The following MS4A4E variants were observed in gnomAD, a reference collection of about 807,000 sequenced individuals.
MS4A4E encodes the protein membrane spanning 4-domains A4E.
Under a neutral mutation model 13.3 loss-of-function variants are expected in MS4A4E, and 23 were observed. The observed-to-expected ratio is 1.73, with a 90% confidence interval of 1.25 to 2.45. The LOEUF is 2.45. Among genes scored for constraint, MS4A4E ranks in the 30% most tolerant of loss-of-function variants. The pLI, the probability that MS4A4E is intolerant of heterozygous loss-of-function variation, is 0.00. For missense variants in MS4A4E, 144 were observed against 131.2 expected (o/e 1.10, Z -0.48); for synonymous variants, 36 against 45.6 (o/e 0.79, Z 0.85).
chr11:60,236,777 C>T (rs113780230), intron 1 of MS4A4E, among the ~76,000 whole-genome samples: 5 of 151,630 alleles, frequency 3.3e-5, no homozygotes, highest in African/African-American at 1.2e-4. Flanking sequence ...TGCTCTGTCA[C>T]CCAGGCTGGA....
chr11:60,222,270 A>T (rs2084279033), intron 3 of MS4A4E, among the ~76,000 whole-genome samples: 1 of 152,194 alleles, frequency 6.6e-6, no homozygotes, highest in Non-Finnish European at 1.5e-5. Context: ...GAACTCATGG[A>T]ATGCCTTAAC....
intron 3 of MS4A4E, chr11:60,225,228 CTT>C (rs1056352788): frequency 1.3e-6 from 1 of 786,158 alleles, no homozygotes; most frequent in African/African-American, 1.7e-5. Flanking sequence ...TGTTGTCACT[CTT>C]TTTTTCACAT....
At chr11:60,232,322 C>CACACACACACACACACACACACACACA (rs58202966) in intron 1 of MS4A4E, among the ~76,000 whole-genome samples, 1 of 112,302 alleles carries the variant, frequency 8.9e-6, no homozygotes, top group Non-Finnish European at 2.0e-5. Flanking sequence ...CACACACACA[C>CACACACACACACACACACACACACACA]CAAAAATGAA....
chr11:60,241,128 A>G (rs1481888161), intron 1 of MS4A4E, among the ~76,000 whole-genome samples: 6 of 152,076 alleles, frequency 3.9e-5, no homozygotes, highest in Admixed American at 3.9e-4. Context: ...GGTTCACGCC[A>G]TTCTCCTGCC....
At chr11:60,233,564 C>T (rs1177971795) in intron 1 of MS4A4E, among the ~76,000 whole-genome samples, 1 of 152,214 alleles carries the variant, frequency 6.6e-6, no homozygotes, top group African/African-American at 2.4e-5. Context: ...GACCTCAGCT[C>T]GCACTGCCAC....
intron 2 of MS4A4E, among the ~76,000 whole-genome samples, chr11:60,229,243 T>G (rs2084378616): frequency 6.6e-6 from 1 of 152,190 alleles, no homozygotes; most frequent in Non-Finnish European, 1.5e-5. Context: ...ATTTAAAAAT[T>G]GAACCTAGTA....
intron 1 of MS4A4E, among the ~76,000 whole-genome samples, chr11:60,241,553 G>A (rs2084551965): frequency 6.6e-6 from 1 of 152,068 alleles, no homozygotes; most frequent in South Asian, 2.1e-4. Context: ...CATAGGTCAG[G>A]TTCTGGTCAT....
chr11:60,239,893 C>T (rs759078784), intron 1 of MS4A4E, among the ~76,000 whole-genome samples: 2 of 152,204 alleles, frequency 1.3e-5, no homozygotes, highest in Non-Finnish European at 2.9e-5. Flanking sequence ...TCAAATTTTG[C>T]TGAACTTGAG....
Position 60,200,742 on chromosome 11 carries a change from T to G in MS4A4E, c.*801A>C, listed in dbSNP as rs1590698487. ...GATTTCTCAATCTTTTCCCCACCTTTCCCCCCTTTCTATTCCACAAAACCG... is the reference window on the plus strand; with the variant it reads ...GATTTCTCAATCTTTTCCCCACCTTGCCCCCCTTTCTATTCCACAAAACCG... On this transcript the variant is annotated 3_prime_UTR_variant, in exon 9 of 9. Coordinates refer to ENST00000651255, the MANE Select transcript of MS4A4E (RefSeq NM_001393391.1). Among the ~76,000 whole-genome samples the G allele has an allele frequency of 2.0e-5, 3 of 151,928 alleles. No homozygotes were observed. Among genetic ancestry groups the G allele is most frequent in the African/African-American group, 7.2e-5 (3 of 41,388 alleles).
intron 3 of MS4A4E, among the ~76,000 whole-genome samples, chr11:60,216,150 T>C (rs1299239959): frequency 1.3e-5 from 2 of 152,084 alleles, no homozygotes; most frequent in African/African-American, 4.8e-5. Context: ...TAATGGAAGG[T>C]AGCAGCAAAA....
chr11:60,226,299 T>C (rs1481860994), intron 3 of MS4A4E, among the ~76,000 whole-genome samples: 2 of 151,670 alleles, frequency 1.3e-5, no homozygotes, highest in African/African-American at 4.8e-5. Flanking sequence ...CTAGCACTAT[T>C]ATCTACCAAA....
intron 1 of MS4A4E, among the ~76,000 whole-genome samples, chr11:60,241,337 A>G (rs1040486676): frequency 3.3e-5 from 5 of 152,126 alleles, no homozygotes; most frequent in South Asian, 2.1e-4. Context: ...TCTTTAATGT[A>G]AGGGAAACTC....
At chr11:60,202,226 G>A (rs1022609359) in intron 8 of MS4A4E, among the ~76,000 whole-genome samples, 13 of 152,236 alleles carry the variant, frequency 8.5e-5, no homozygotes, top group African/African-American at 2.7e-4. Context: ...AGGAATTGGT[G>A]TAGGTGAGGA....
At chr11:60,223,736 T>C (rs1030902053) in intron 3 of MS4A4E, among the ~76,000 whole-genome samples, 2 of 152,124 alleles carry the variant, frequency 1.3e-5, no homozygotes, top group African/African-American at 4.8e-5. Flanking sequence ...GCCTACATCT[T>C]TCTCTCGTGC....
intron 1 of MS4A4E, among the ~76,000 whole-genome samples, chr11:60,232,163 C>T (rs1287731279): frequency 6.6e-6 from 1 of 151,734 alleles, no homozygotes; most frequent in African/African-American, 2.4e-5. Context: ...AGAAAATGGT[C>T]ACAATAGAAG....
chr11:60,238,603 G>C (rs2084512344), intron 1 of MS4A4E, among the ~76,000 whole-genome samples: 1 of 152,076 alleles, frequency 6.6e-6, no homozygotes, highest in Admixed American at 6.6e-5. Flanking sequence ...GTTGATCGTT[G>C]CAAGAATGAA....
At chr11:60,213,756 A>T (rs2084155290) in intron 4 of MS4A4E, among the ~76,000 whole-genome samples, 1 of 152,142 alleles carries the variant, frequency 6.6e-6, no homozygotes, top group African/African-American at 2.4e-5. Flanking sequence ...ACCCTTGTTG[A>T]GATCTTGGCT....
chr11:60,209,448 T>C (rs1001695088), intron 5 of MS4A4E, among the ~76,000 whole-genome samples: 2 of 152,226 alleles, frequency 1.3e-5, no homozygotes, highest in Non-Finnish European at 2.9e-5. Context: ...AGTACGGCCT[T>C]GCCCACACTG....
chr11:60,230,034 C>T lies in MS4A4E; in HGVS notation c.22G>A (p.Glu8Lys). 6.2e-7 allele frequency: 1 copy of T among 1,601,404 alleles called. No homozygotes were observed. Among genetic ancestry groups the T allele is most frequent in the Non-Finnish European group, 8.5e-7 (1 of 1,175,360 alleles). Residue 8 changes from glutamate to lysine, a missense_variant, in exon 2 of 9, where the codon GAA becomes AAA. Coordinates refer to ENST00000651255, the MANE Select transcript of MS4A4E (RefSeq NM_001393391.1). The stretch of plus-strand genomic sequence containing the variant: ...GGGCCAGCCCCTGGAGTGGTCTGTT[C>T]CATTCCTTGCATGGTTGTCATGGCA... Reference protein sequence around the residue: MTTMQGMEQTTPGAGPDV... With the variant: MTTMQGMKQTTPGAGPDV...
Sources: gnomAD v4.1 joint callset for allele counts (sites outside exome capture counted in the v4.1 genomes callset) on GRCh38, gnomAD v4.1.1 for gene constraint, MANE v1.5 for transcripts, NCBI Gene and HGNC (gene_info 2026-07-23, HGNC 2026-07-21) for gene names.